Variants in NRG3 observed in about 807,000 individuals in gnomAD.
NRG3 encodes pro-neuregulin-3, membrane-bound isoform.
A neutral mutation model predicts 66.9 loss-of-function variants in NRG3; 31 were observed. The ratio of observed to expected loss-of-function variants is 0.46; its 90% CI spans 0.35 to 0.63. The LOEUF is 0.63. Among genes scored for constraint, NRG3 ranks in the 20% least tolerant of loss-of-function variants. The probability of loss-of-function intolerance (pLI) is 0.00; values close to 1 mark genes in which losing one functional copy is unlikely to be tolerated. For synonymous variants in NRG3, 393 were observed against 359.4 expected (o/e 1.09, Z -1.06); for missense variants, 910 against 878.9 (o/e 1.04, Z -0.45).
intron 3 of NRG3, chr10:82,827,123 TAACA>T (rs1245390727): frequency 3.0e-6 from 1 of 336,936 alleles, no homozygotes; most frequent in African/African-American, 2.2e-5. Context: ...TTGAGAATTT[TAACA>T]GTGAGATTTT....
chr10:82,281,350 A>G (rs2079111654), intron 1 of NRG3, among the ~76,000 whole-genome samples: 1 of 152,170 alleles, frequency 6.6e-6, no homozygotes, highest in Admixed American at 6.5e-5. Flanking sequence ...AGAGATGGAT[A>G]GGAACTTACT....
intron 1 of NRG3, among the ~76,000 whole-genome samples, chr10:81,948,202 T>C (rs1460172484): frequency 6.6e-6 from 1 of 152,172 alleles, no homozygotes; most frequent in Non-Finnish European, 1.5e-5. Context: ...CGCTTATTTT[T>C]TTAAGATGAT....
chr10:82,777,745 G>C (rs373980223), intron 3 of NRG3, among the ~76,000 whole-genome samples: 3 of 152,168 alleles, frequency 2.0e-5, no homozygotes, highest in South Asian at 2.1e-4. Context: ...ACTGAGAGAG[G>C]GGGTACTGTG....
At chr10:82,241,908 T>G (rs1356018191) in intron 1 of NRG3, among the ~76,000 whole-genome samples, 1 of 152,156 alleles carries the variant, frequency 6.6e-6, no homozygotes, top group Non-Finnish European at 1.5e-5. Context: ...AGGATCTTTC[T>G]CACCATATGA....
intron 1 of NRG3, among the ~76,000 whole-genome samples, chr10:82,033,397 A>G (rs1017569396): frequency 2.0e-5 from 3 of 152,240 alleles, no homozygotes; most frequent in South Asian, 2.1e-4. Context: ...AGCATGTACC[A>G]TAAGAAGCCT....
intron 1 of NRG3, among the ~76,000 whole-genome samples, chr10:81,995,624 T>C (rs1194607550): frequency 6.6e-6 from 1 of 152,240 alleles, no homozygotes. Context: ...TTCCTGGTAC[T>C]GGCCTTTGCC....
intron 1 of NRG3, among the ~76,000 whole-genome samples, chr10:82,339,837 A>C (rs2082588341): frequency 2.0e-5 from 3 of 151,796 alleles, no homozygotes; most frequent in Admixed American, 2.0e-4. Context: ...AGGAAGTTGT[A>C]TCCTTTCCAC....
chr10:82,114,038 A>C (rs1180186622), intron 1 of NRG3, among the ~76,000 whole-genome samples: 1 of 152,156 alleles, frequency 6.6e-6, no homozygotes, highest in African/African-American at 2.4e-5. Flanking sequence ...TCTGTCTATC[A>C]GTCTCCCTGC....
chr10:82,972,245 T>C (rs1851835234), intron 6 of NRG3, among the ~76,000 whole-genome samples: 1 of 152,176 alleles, frequency 6.6e-6, no homozygotes. Context: ...ATATATATTT[T>C]GTTCATCAGT....
intron 1 of NRG3, among the ~76,000 whole-genome samples, chr10:82,089,293 C>G (rs539784475): frequency 6.6e-6 from 1 of 152,052 alleles, no homozygotes; most frequent in African/African-American, 2.4e-5. Flanking sequence ...TGTATTAGAG[C>G]TTTACTTTTT....
chr10:82,789,641 A>G (rs188235059), intron 3 of NRG3, among the ~76,000 whole-genome samples: 31 of 152,176 alleles, frequency 2.0e-4, no homozygotes, highest in Non-Finnish European at 4.0e-4. Flanking sequence ...TTCTGCTAAT[A>G]TCTGCCTTTT....
At chr10:82,609,227 C>T (rs2048154963) in intron 2 of NRG3, among the ~76,000 whole-genome samples, 1 of 152,076 alleles carries the variant, frequency 6.6e-6, no homozygotes. Flanking sequence ...TTTGTTAGTT[C>T]CTTGGCTTTT....
chr10:82,131,050 G>C (rs930891082), intron 1 of NRG3, among the ~76,000 whole-genome samples: 1 of 152,008 alleles, frequency 6.6e-6, no homozygotes, highest in African/African-American at 2.4e-5. Flanking sequence ...AATTTGATGT[G>C]ATCTTCTTTG....
intron 3 of NRG3, among the ~76,000 whole-genome samples, chr10:82,776,209 G>A (rs1027774785): frequency 3.3e-5 from 5 of 151,974 alleles, no homozygotes; most frequent in Admixed American, 6.6e-5. Context: ...ACCATTTTAG[G>A]TTGGCAGTTT....
chr10:82,305,131 A>T (rs2134853734), intron 1 of NRG3, among the ~76,000 whole-genome samples: 1 of 151,090 alleles, frequency 6.6e-6, no homozygotes, highest in African/African-American at 2.4e-5. Flanking sequence ...AGTAGCTGGG[A>T]CTACAGGCGC....
intron 1 of NRG3, among the ~76,000 whole-genome samples, chr10:82,156,722 G>C (rs935693406): frequency 2.6e-5 from 4 of 151,628 alleles, no homozygotes; most frequent in African/African-American, 9.7e-5. Context: ...GATCCATGGA[G>C]TTTAAGATAA....
chr10:82,906,011 A>G (rs1398061640), intron 4 of NRG3, among the ~76,000 whole-genome samples: 1 of 152,164 alleles, frequency 6.6e-6, no homozygotes, highest in Non-Finnish European at 1.5e-5. Flanking sequence ...CTTTACCAAA[A>G]TCTTATCAAA....
chr10:82,688,752 T>C (rs2054696478), intron 2 of NRG3, among the ~76,000 whole-genome samples: 1 of 149,582 alleles, frequency 6.7e-6, no homozygotes, highest in Middle Eastern at 3.3e-3. Context: ...CTAGAACAAA[T>C]CCATAGGTCT....
chr10:81,900,489 T>C (rs1242375215), intron 1 of NRG3, among the ~76,000 whole-genome samples: 1 of 152,232 alleles, frequency 6.6e-6, no homozygotes, highest in South Asian at 2.1e-4. Context: ...GAACTCCATA[T>C]CCAGTGTCAT....
Sources: allele counts gnomAD v4.1 joint callset (sites outside exome capture counted in the v4.1 genomes callset), GRCh38; gene constraint gnomAD v4.1.1; transcripts MANE v1.5; gene names NCBI Gene and HGNC (gene_info 2026-07-23, HGNC 2026-07-21).